ANKRD36C: variants seen among roughly 807,000 people sequenced by gnomAD.
ANKRD36C encodes the protein ankyrin repeat domain 36C.
ANKRD36C carries 61 observed loss-of-function variants against 276.4 expected under a neutral mutation model. The ratio of observed to expected loss-of-function variants is 0.22; its 90% CI spans 0.18 to 0.27. The LOEUF is 0.27. Ranked by LOEUF, ANKRD36C falls within the 10% of genes least tolerant of loss-of-function variation. The pLI, the probability that ANKRD36C is intolerant of heterozygous loss-of-function variation, is 1.00. For missense variants in ANKRD36C, 1,447 were observed against 2,032.3 expected (o/e 0.71, Z 5.54); for synonymous variants, 483 against 680.1 (o/e 0.71, Z 4.51).
chr2:95,912,199 CT>C (rs1676949189), intron 42 of ANKRD36C, 44 bp downstream of exon 44: 1 of 1,540,724 alleles, frequency 6.5e-7, no homozygotes, highest in Non-Finnish European at 8.7e-7. Context: ...AAGAGAACTT[CT>C]TATCTGGACT....
chr2:95,962,280 C>A, intron 8 of ANKRD36C, 72 bp downstream of exon 8: 8 of 1,464,568 alleles, frequency 5.5e-6, no homozygotes, highest in Middle Eastern at 1.8e-4. Context: ...GAGCTCCCTG[C>A]GATTTATTCA....
intron 39 of ANKRD36C, 41 bp downstream of exon 41, chr2:95,914,234 A>G (rs1230822240): frequency 6.4e-7 from 1 of 1,558,162 alleles, no homozygotes. Context: ...TTCATAGACT[A>G]TGCATTTACT....
At chr2:95,924,934 T>C (rs1374403271) in intron 30 of ANKRD36C, among the ~76,000 whole-genome samples, 4 of 151,600 alleles carry the variant, frequency 2.6e-5, no homozygotes, top group African/African-American at 9.7e-5. Flanking sequence ...GGTCACTTTG[T>C]TTCTCATTCT....
chr2:95,890,050 A>G (rs1313970972), intron 46 of ANKRD36C, 56 bp from the exon 67 acceptor site: 7 of 1,567,892 alleles, frequency 4.5e-6, no homozygotes, highest in Non-Finnish European at 6.1e-6. Context: ...AAAGTTATTC[A>G]TACATTCATA....
chr2:95,875,924 GC>G, intron 59 of ANKRD36C: 1 of 399,340 alleles, frequency 2.5e-6, no homozygotes, highest in South Asian at 1.9e-5. Flanking sequence ...TCTCTTGATA[GC>G]CAGTTGGGTT....
rs548667756 is a variant in ANKRD36C at position 95,921,978 on chromosome 2, C to G, written c.2144-168G>C. On this transcript the variant is annotated intron_variant, in intron 32 of 66. Coordinates refer to ENST00000456556, the Ensembl canonical transcript of ANKRD36C. ...CATGACAGAAATATACTAAAGAAAA[C>G]AGGAATTGATGTGTCACGATATATT... Among the ~76,000 whole-genome samples, 3 of 151,644 alleles carry G rather than the reference C, an allele frequency of 2.0e-5. No homozygotes were observed. In the East Asian group the frequency reaches 5.9e-4, roughly 30 times the overall value.
chr2:95,957,573 G>A (rs1291903454), intron 12 of ANKRD36C, among the ~76,000 whole-genome samples: 1 of 152,256 alleles, frequency 6.6e-6, no homozygotes, highest in Non-Finnish European at 1.5e-5. Context: ...TGGGAACAAG[G>A]TATAATATAC....
At position 95,912,316 on chromosome 2, in the gene ANKRD36C, C is replaced by G. The variant is rs536422609; in HGVS notation, c.2581G>C (p.Ala861Pro). 298 of 1,585,188 alleles carry G rather than the reference C, an allele frequency of 1.9e-4. 2 individuals are homozygous for G. In the South Asian group the frequency reaches 3.2e-3, roughly 17 times the overall value. ...AAAGAATCTTTCTCATCACTTGTAG[C>G]CTGAATGGAATTTGAAACAAAATAA... The change falls in exon 42 of 67, where the codon GCT becomes CCT. Residue 861 changes from alanine (A) to proline (P), a missense_variant and splice_region_variant. Around this residue, in one of 13 missense-constraint regions of ANKRD36C, gnomAD observed 565 missense variants for 539.5 expected, o/e 1.05. Coordinates refer to ENST00000456556, the Ensembl canonical transcript of ANKRD36C.
rs1206725260 is a variant in ANKRD36C at position 95,903,202 on chromosome 2, C to T, written c.2654-3866G>A. ...CCTGTATTAGCGTAGGCTTTGATGGCTTCTACTTTGTGTCTGGGGACTAGA... is the reference window on the plus strand; with the variant it reads ...CCTGTATTAGCGTAGGCTTTGATGGTTTCTACTTTGTGTCTGGGGACTAGA... On this transcript the variant is annotated intron_variant, in intron 42 of 66. Transcript: ENST00000456556. The T allele has an allele frequency of 3.4e-6, 5 of 1,472,002 alleles. No individual in the cohort carries two copies. In the Admixed American group the frequency reaches 8.0e-5, roughly 24 times the overall value. The allele number at this position is 1,472,002 out of a possible 1,614,324, so 91.2% of individuals were successfully genotyped here. A position where few individuals can be genotyped will look rare whatever the true frequency, so the allele number is the denominator to read the frequency against.
chr2:95,860,113 G>A (rs1434069395), intron 60 of ANKRD36C, 39 bp from the exon 81 acceptor site: 1 of 1,291,326 alleles, frequency 7.7e-7, no homozygotes. Flanking sequence ...TAAAATACAT[G>A]AGTAGATTTT....
chr2:95,918,124 G>T, intron 34 of ANKRD36C, 82 bp from the exon 37 acceptor site: 1 of 1,547,152 alleles, frequency 6.5e-7, no homozygotes. Flanking sequence ...TTAGCATCAA[G>T]CTGTATCCTT....
In ANKRD36C at chr2:95,893,235, A is replaced by G. The variant is rs151287591; in HGVS notation, c.2756-1375T>C. 1.4e-3 allele frequency among the ~76,000 whole-genome samples: 217 copies of G among 151,290 alleles called. 5 individuals are homozygous for G. The South Asian group carries it at 0.031, about 21-fold the overall frequency. On this transcript the variant is annotated intron_variant, in intron 44 of 66. Transcript: ENST00000456556. ...CTCTTTCTCCTTCCACCCTTACTGA[A>G]AACAAGCTGGAGAATTAAAGCAAAA... is the stretch of plus-strand genomic sequence containing the variant.
At chr2:95,869,944 G>A (rs1372739367) in intron 59 of ANKRD36C, among the ~76,000 whole-genome samples, 1 of 152,244 alleles carries the variant, frequency 6.6e-6, no homozygotes, top group Non-Finnish European at 1.5e-5. Flanking sequence ...CTGCAAGGTG[G>A]CAGTGAGGCT....
At position 95,896,800 on chromosome 2, in the gene ANKRD36C, C is replaced by T. The variant is rs184730450; in HGVS notation, c.2755+2345G>A. Among the ~76,000 whole-genome samples, 8 of 149,988 alleles carry T rather than the reference C, an allele frequency of 5.3e-5. No homozygotes were observed. The East Asian group carries it at 1.6e-3, about 30-fold the overall frequency. ...AAATGACTTCCTCTTTTCACACCTT[C>T]CTGCCTCACAATCCATCTCCCTTAG... On this transcript the variant is annotated intron_variant, in intron 44 of 66. Transcript: ENST00000456556.
intron 27 of ANKRD36C, 43 bp downstream of exon 27, chr2:95,927,338 C>T: frequency 1.2e-6 from 2 of 1,607,648 alleles, no homozygotes; most frequent in Non-Finnish European, 1.7e-6. Context: ...GTTTCATAGA[C>T]TATACAGTTA....
chr2:95,850,974 A>C (rs993331888), downstream of ANKRD36C, among the ~76,000 whole-genome samples: 1 of 152,234 alleles, frequency 6.6e-6, no homozygotes, highest in Non-Finnish European at 1.5e-5. Flanking sequence ...AACATGATGA[A>C]TTAACAAAGC....
chr2:95,859,328 G>A (rs1330813542), intron 61 of ANKRD36C, among the ~76,000 whole-genome samples: 6 of 151,888 alleles, frequency 4.0e-5, no homozygotes, highest in African/African-American at 7.3e-5. Context: ...CACTGCACCC[G>A]GCTGATAATT....
At chr2:95,911,856 G>A (rs1050987675) in intron 42 of ANKRD36C, among the ~76,000 whole-genome samples, 35 of 151,410 alleles carry the variant, frequency 2.3e-4, no homozygotes, top group African/African-American at 8.2e-4. Flanking sequence ...GTGTCTATGG[G>A]TTATTATGAA....
chr2:95,923,795 T>A (rs1424911242), intron 30 of ANKRD36C, 106 bp from the exon 31 acceptor site: 1 of 1,491,960 alleles, frequency 6.7e-7, no homozygotes, highest in East Asian at 2.4e-5. Flanking sequence ...CCTGTATTAG[T>A]ATAGGCTTTG....
Sources: allele counts gnomAD v4.1 joint callset (sites outside exome capture counted in the v4.1 genomes callset), GRCh38; gene constraint gnomAD v4.1.1; regional missense constraint gnomAD v4.1.1; transcripts MANE v1.5; gene names NCBI Gene and HGNC (gene_info 2026-07-23, HGNC 2026-07-21).